Variants in SDK1 observed in about 807,000 individuals in gnomAD.
SDK1 encodes protein sidekick-1.
SDK1 carries 157 observed loss-of-function variants against 245.5 expected under a neutral mutation model. That is an observed-to-expected ratio of 0.64 (90% CI 0.56 to 0.73). SDK1 has a LOEUF of 0.73. SDK1 is among the 30% of genes least tolerant of loss of function. SDK1 has a pLI of 0.00. For missense variants in SDK1, 3,583 were observed against 3,002.3 expected, an observed-to-expected ratio of 1.19 and a Z score of -4.52; for synonymous variants, 1,647 against 1,278.5, an observed-to-expected ratio of 1.29 and a Z score of -6.15.
chr7:3,426,672 G>C (rs1380806387), intron 1 of SDK1, among the ~76,000 whole-genome samples: 2 of 152,218 alleles, frequency 1.3e-5, no homozygotes, highest in African/African-American at 4.8e-5. Flanking sequence ...TTCTGCATTT[G>C]AATATTTCTT....
At chr7:4,126,637 C>T (rs748078667) in intron 25 of SDK1, among the ~76,000 whole-genome samples, 28 of 152,218 alleles carry the variant, frequency 1.8e-4, no homozygotes, top group Non-Finnish European at 2.9e-4. Flanking sequence ...AGGAGAATGG[C>T]TTGAACCCAG....
chr7:3,483,380 C>G lies in SDK1; in HGVS notation c.299-135700C>G, dbSNP rs148038548. Among the ~76,000 whole-genome samples, 170 of 152,152 alleles carry G rather than the reference C, an allele frequency of 1.1e-3. 1 individual carries two copies. Among genetic ancestry groups the G allele is most frequent in the African/African-American group, 3.8e-3 (159 of 41,524 alleles). ...CTTTCCTATTAAATGCTTAAATTGGCTATATTGAAGATGTAAGAAGGCTGT... is the reference window on the plus strand; with the variant it reads ...CTTTCCTATTAAATGCTTAAATTGGGTATATTGAAGATGTAAGAAGGCTGT... On this transcript the variant is annotated intron_variant, in intron 1 of 44. Transcript: ENST00000404826.
rs1206507579 is a variant in SDK1, at chr7:4,248,625, TACAC to T, written c.6381+2826_6381+2829del. Among the ~76,000 whole-genome samples the T allele has an allele frequency of 8.6e-5, 13 of 150,926 alleles. No individual in the cohort carries two copies. In the East Asian group the frequency reaches 1.2e-3, roughly 14 times the overall value. On this transcript the variant is annotated intron_variant, in intron 44 of 44. Coordinates refer to ENST00000404826, the MANE Select transcript of SDK1 (RefSeq NM_152744.4). ...ACACACAAACATGCACATACCTAAA[TACAC>T]ACACATGTACACATACCTGTGCACA...
chr7:4,261,974 C>A (rs1299716804), intron 44 of SDK1, among the ~76,000 whole-genome samples: 1 of 148,920 alleles, frequency 6.7e-6, no homozygotes, highest in African/African-American at 2.5e-5. Flanking sequence ...GAAACCTCCA[C>A]CTTCTTAGGG....
At chr7:3,879,810 G>A (rs112773481) in intron 5 of SDK1, among the ~76,000 whole-genome samples, 3 of 152,182 alleles carry the variant, frequency 2.0e-5, no homozygotes, top group Admixed American at 1.3e-4. Flanking sequence ...TCTGATTAAA[G>A]TGATTAAAAC....
At chr7:4,232,042 CT>C (rs58243380) in intron 40 of SDK1, among the ~76,000 whole-genome samples, 16,342 of 131,784 alleles carry the variant, frequency 0.12, 1,897 homozygotes, top group African/African-American at 0.32. Context: ...TCTGAGCCTA[CT>C]TTTTTTTTTT....
intron 4 of SDK1, among the ~76,000 whole-genome samples, chr7:3,780,149 G>A (rs1309225732): frequency 1.3e-5 from 2 of 152,176 alleles, no homozygotes; most frequent in Non-Finnish European, 2.9e-5. Context: ...ATCTGAATTA[G>A]GAGAGTGAGA....
At chr7:4,064,563 G>T (rs1779748082) in intron 19 of SDK1, among the ~76,000 whole-genome samples, 2 of 152,224 alleles carry the variant, frequency 1.3e-5, no homozygotes, top group South Asian at 4.2e-4. Flanking sequence ...CCACTATTGG[G>T]TATTTATCCA....
At chr7:3,696,093 T>C (rs188957082) in intron 4 of SDK1, among the ~76,000 whole-genome samples, 43 of 152,282 alleles carry the variant, frequency 2.8e-4, no homozygotes, top group African/African-American at 1.0e-3. Flanking sequence ...TACTTGATCC[T>C]CTTCTCACTC....
Position 3,631,263 on chromosome 7 carries a change from A to G in SDK1, c.459-7741A>G, listed in dbSNP as rs150674532. Among the ~76,000 whole-genome samples the G allele has an allele frequency of 6.3e-3, 958 of 152,128 alleles. 15 individuals are homozygous for G. The highest frequency in any genetic ancestry group is 0.022 in the African/African-American group (913 of 41,476). On this transcript the variant is annotated intron_variant, in intron 2 of 44. Coordinates refer to ENST00000404826, the MANE Select transcript of SDK1 (RefSeq NM_152744.4). Reference sequence around the variant, plus strand: ...ATGCTTTCTGTTTTATTTTCTTTTAATCTATTGAGCTCTCTCTGTACTCAC... The same window carrying G: ...ATGCTTTCTGTTTTATTTTCTTTTAGTCTATTGAGCTCTCTCTGTACTCAC...
chr7:3,567,799 T>C (rs1259887138), intron 1 of SDK1, among the ~76,000 whole-genome samples: 1 of 152,196 alleles, frequency 6.6e-6, no homozygotes, highest in African/African-American at 2.4e-5. Context: ...TTTTCTATTT[T>C]ATTTATCTTT....
intron 4 of SDK1, among the ~76,000 whole-genome samples, chr7:3,723,169 C>T (rs1469009303): frequency 6.6e-6 from 1 of 152,164 alleles, no homozygotes; most frequent in African/African-American, 2.4e-5. Flanking sequence ...GGCTTCTGTA[C>T]TCAAAATTGA....
intron 29 of SDK1, among the ~76,000 whole-genome samples, chr7:4,148,323 T>C (rs954718495): frequency 6.6e-6 from 1 of 151,022 alleles, no homozygotes; most frequent in Non-Finnish European, 1.5e-5. Flanking sequence ...TGATAAACAA[T>C]TAAACAATTA....
intron 4 of SDK1, among the ~76,000 whole-genome samples, chr7:3,720,941 A>C (rs1785349212): frequency 1.3e-5 from 2 of 152,218 alleles, no homozygotes; most frequent in African/African-American, 2.4e-5. Context: ...TCTGATACAC[A>C]CAACTGGGAT....
In SDK1 at chr7:3,696,922, C is replaced by A. The variant is rs74683785; in HGVS notation, c.713+54817C>A. Reference sequence around the variant, plus strand: ...ATAGAAGTTCCTTTAAAAAAAAAAACTCATAAGTAATACGGTTTATGGAAA... The same window carrying A: ...ATAGAAGTTCCTTTAAAAAAAAAAAATCATAAGTAATACGGTTTATGGAAA... On this transcript the variant is annotated intron_variant, in intron 4 of 44. Transcript: ENST00000404826. Among the ~76,000 whole-genome samples the A allele has an allele frequency of 4.1e-3, 614 of 150,808 alleles. 5 individuals carry two copies. Among genetic ancestry groups the A allele is most frequent in the African/African-American group, 0.014 (589 of 41,010 alleles).
chr7:3,843,198 C>T (rs1442770867), intron 5 of SDK1, among the ~76,000 whole-genome samples: 1 of 152,134 alleles, frequency 6.6e-6, no homozygotes, highest in South Asian at 2.1e-4. Flanking sequence ...CATGAAGCCT[C>T]GTGGTAACTC....
intron 5 of SDK1, among the ~76,000 whole-genome samples, chr7:3,841,495 G>A (rs1780156298): frequency 6.6e-6 from 1 of 152,138 alleles, no homozygotes; most frequent in South Asian, 2.1e-4. Context: ...GGCCCCAGTA[G>A]ACACTGAGCT....
chr7:3,563,580 G>A (rs1355807849), intron 1 of SDK1, among the ~76,000 whole-genome samples: 2 of 152,224 alleles, frequency 1.3e-5, no homozygotes, highest in African/African-American at 4.8e-5. Flanking sequence ...TGACAGAATT[G>A]CAGAGAGACA....
At chr7:3,858,431 C>T (rs1467675963) in intron 5 of SDK1, among the ~76,000 whole-genome samples, 3 of 151,610 alleles carry the variant, frequency 2.0e-5, no homozygotes, top group Non-Finnish European at 4.4e-5. Context: ...TTTATTACTA[C>T]ATGTATATAC....
Sources: allele counts gnomAD v4.1 joint callset (sites outside exome capture counted in the v4.1 genomes callset), GRCh38; gene constraint gnomAD v4.1.1; transcripts MANE v1.5; gene names NCBI Gene and HGNC (gene_info 2026-07-23, HGNC 2026-07-21).